CSMD1: variants seen among roughly 807,000 people sequenced by gnomAD.
CSMD1 encodes CUB and sushi domain-containing protein 1.
In CSMD1, 213 loss-of-function variants were observed where a neutral mutation model predicts 417.5. The observed-to-expected ratio is 0.51, with a 90% CI of 0.46 to 0.57. The LOEUF (loss-of-function observed/expected upper bound fraction) is 0.57. Ranked by LOEUF, CSMD1 falls within the 20% of genes least tolerant of loss-of-function variation. The pLI is 0.00. For synonymous variants in CSMD1, 2,862 were observed against 1,736.8 expected, an observed-to-expected ratio of 1.65 and a Z score of -16.11; for missense variants, 6,923 against 4,529.7, an observed-to-expected ratio of 1.53 and a Z score of -15.17.
At chr8:3,462,567 T>G (rs1183463421) in intron 12 of CSMD1, among the ~76,000 whole-genome samples, 1 of 152,172 alleles carries the variant, frequency 6.6e-6, no homozygotes, top group Non-Finnish European at 1.5e-5. Flanking sequence ...CTGTCTCCCA[T>G]CACCCAGATG....
Position 3,151,501 on chromosome 8 carries a change from C to A in CSMD1, c.5927G>T (p.Gly1976Val). ...CACACCACCCAAGGTGCTCAGCGTCCCTCCACAGGTTGCTGTTAAGTGGAC... is the reference window on the plus strand; with the variant it reads ...CACACCACCCAAGGTGCTCAGCGTCACTCCACAGGTTGCTGTTAAGTGGAC... ...PSPLCIATCGGTLSTLGGVIL... is the reference protein window; with the variant it reads ...PSPLCIATCGVTLSTLGGVIL... Residue 1976 changes from glycine (G) to valine (V), a missense_variant, in exon 40 of 70, where the codon GGG (glycine) becomes GTG (valine). Gly to Val is a moderately radical substitution (Grantham distance 109, BLOSUM62 -3). Transcript: ENST00000635120. The A allele has an allele frequency of 6.2e-7, 1 of 1,611,754 alleles. No homozygotes were observed.
intron 2 of CSMD1, among the ~76,000 whole-genome samples, chr8:4,579,221 T>A (rs1031475559): frequency 6.6e-6 from 1 of 151,688 alleles, no homozygotes; most frequent in Non-Finnish European, 1.5e-5. Flanking sequence ...ATCAGGAAAA[T>A]AATCCTCATG....
At chr8:3,267,743 C>G (rs752247132) in intron 26 of CSMD1, among the ~76,000 whole-genome samples, 2 of 152,166 alleles carry the variant, frequency 1.3e-5, no homozygotes, top group East Asian at 3.9e-4. Flanking sequence ...GGGTGGGGCA[C>G]ACTACATGCC....
In CSMD1 at chr8:3,087,093, T is replaced by C. The variant is rs1416614950; in HGVS notation, c.7474+4A>G. On this transcript the variant is annotated splice_donor_region_variant and intron_variant, in intron 49 of 69. Coordinates refer to ENST00000635120, the MANE Select transcript of CSMD1 (RefSeq NM_033225.6). ...AAGGCTGGGGATGAAAACGCATTTCTTACCCTGGCAGAGTGGCGTGAGGGA... is the reference window on the plus strand; with the variant it reads ...AAGGCTGGGGATGAAAACGCATTTCCTACCCTGGCAGAGTGGCGTGAGGGA... 2 of 1,612,016 alleles carry C rather than the reference T, an allele frequency of 1.2e-6. No individual in the cohort carries two copies. Among genetic ancestry groups the C allele is most frequent in the African/African-American group, 2.7e-5 (2 of 74,898 alleles).
chr8:3,129,567 G>C (rs1220377556), intron 41 of CSMD1, among the ~76,000 whole-genome samples: 1 of 152,062 alleles, frequency 6.6e-6, no homozygotes, highest in Admixed American at 6.6e-5. Flanking sequence ...TTGAGGTCAG[G>C]AGTTCAAGAC....
At chr8:4,681,346 C>T (rs1269822995) in intron 1 of CSMD1, among the ~76,000 whole-genome samples, 9 of 152,084 alleles carry the variant, frequency 5.9e-5, no homozygotes, top group Non-Finnish European at 1.3e-4. Context: ...GTGTTGAAAC[C>T]ACCAATATGG....
At chr8:4,483,297 G>C (rs1801203888) in intron 2 of CSMD1, among the ~76,000 whole-genome samples, 1 of 152,096 alleles carries the variant, frequency 6.6e-6, no homozygotes, top group African/African-American at 2.4e-5. Flanking sequence ...TCTTTCTTTT[G>C]GGAATAGACC....
intron 1 of CSMD1, among the ~76,000 whole-genome samples, chr8:4,672,403 G>C (rs1805386600): frequency 6.6e-6 from 1 of 152,146 alleles, no homozygotes; most frequent in Non-Finnish European, 1.5e-5. Flanking sequence ...CTCACACTTT[G>C]AAGTATGGGC....
intron 1 of CSMD1, among the ~76,000 whole-genome samples, chr8:4,832,264 T>A (rs1292725181): frequency 2.6e-5 from 4 of 152,104 alleles, no homozygotes; most frequent in Non-Finnish European, 5.9e-5. Flanking sequence ...TGGAAGTTTG[T>A]GATTCTAGTT....
Position 3,018,526 on chromosome 8 carries a change from T to C in CSMD1, c.7980A>G (p.Arg2660=). ...TCCAGAGCCCATTTGCCAAGCACTC[T>C]CTGACATGAGACCCCACAAGCGTGT... is the stretch of plus-strand genomic sequence containing the variant. The part of the protein sequence containing the change: ...TGYTLVGSHV[R]ECLANGLWSG... Residue 2660 remains arginine (R), a synonymous_variant, in exon 52 of 70, where the codon AGA becomes AGG. Coordinates refer to ENST00000635120, the MANE Select transcript of CSMD1 (RefSeq NM_033225.6). 1 of 1,613,752 alleles carries C rather than the reference T, an allele frequency of 6.2e-7. No homozygotes were observed. Among genetic ancestry groups the C allele is most frequent in the South Asian group, 1.1e-5 (1 of 91,060 alleles).
At chr8:4,216,464 A>C (rs1800675724) in intron 3 of CSMD1, among the ~76,000 whole-genome samples, 1 of 152,232 alleles carries the variant, frequency 6.6e-6, no homozygotes, top group African/African-American at 2.4e-5. Context: ...TTGTTAAATT[A>C]GTAATTAGTA....
chr8:2,979,939 A>AT (rs1677624583), intron 54 of CSMD1, among the ~76,000 whole-genome samples: 1 of 152,224 alleles, frequency 6.6e-6, no homozygotes, highest in Admixed American at 6.5e-5. Flanking sequence ...AATCTCTGAA[A>AT]TAGCAGGAAT....
chr8:2,983,052 G>A (rs1805560233), intron 54 of CSMD1, among the ~76,000 whole-genome samples: 1 of 152,028 alleles, frequency 6.6e-6, no homozygotes, highest in Admixed American at 6.5e-5. Context: ...GTTATGTGAT[G>A]AGGAAACACC....
chr8:3,488,026 C>A (rs1818156809), intron 11 of CSMD1, among the ~76,000 whole-genome samples: 1 of 146,358 alleles, frequency 6.8e-6, no homozygotes, highest in African/African-American at 2.6e-5. Flanking sequence ...TCAAAATATA[C>A]TTAGAAGAGG....
At position 2,978,746 on chromosome 8, in the gene CSMD1, T is replaced by A. The variant is rs372058205; in HGVS notation, c.8432A>T (p.Gln2811Leu). ...FVENAIRHGQQNFPESFEYGM... is the reference protein window; with the variant it reads ...FVENAIRHGQLNFPESFEYGM... ...ATACTCAAAACTCTCAGGGAAGTTCTGTTGCCCGTGACGAATGGCATTTTC... is the reference window on the plus strand; with the variant it reads ...ATACTCAAAACTCTCAGGGAAGTTCAGTTGCCCGTGACGAATGGCATTTTC... Residue 2811 changes from glutamine to leucine, a missense_variant, in exon 55 of 70, where the codon CAG becomes CTG. Physicochemically the swap from Gln to Leu is moderately radical, Grantham distance 113 (BLOSUM62 -2). Transcript: ENST00000635120. 2 of 1,613,648 alleles carry A rather than the reference T, an allele frequency of 1.2e-6. No homozygotes were observed. The highest frequency in any genetic ancestry group is 3.3e-5 in the Admixed American group (2 of 59,984).
intron 1 of CSMD1, among the ~76,000 whole-genome samples, chr8:4,809,384 C>T (rs1798772681): frequency 6.6e-6 from 1 of 152,172 alleles, no homozygotes. Context: ...CCATCTGATA[C>T]TCAACATTTT....
At chr8:4,150,234 C>G (rs1213740021) in intron 3 of CSMD1, among the ~76,000 whole-genome samples, 1 of 152,150 alleles carries the variant, frequency 6.6e-6, no homozygotes. Flanking sequence ...GGCCATTTTT[C>G]CATCATGCAC....
chr8:4,953,882 A>G (rs1048235785), intron 1 of CSMD1, among the ~76,000 whole-genome samples: 4 of 152,156 alleles, frequency 2.6e-5, no homozygotes, highest in Non-Finnish European at 5.9e-5. Flanking sequence ...CCCTGGGCTT[A>G]GAGATTGGAC....
chr8:3,753,627 G>A (rs904910079), intron 6 of CSMD1, among the ~76,000 whole-genome samples: 3 of 152,034 alleles, frequency 2.0e-5, no homozygotes, highest in Non-Finnish European at 4.4e-5. Context: ...AAACTGCTGT[G>A]GATATTTACA....
Sources: gnomAD v4.1 joint callset for allele counts (sites outside exome capture counted in the v4.1 genomes callset) on GRCh38, gnomAD v4.1.1 for gene constraint, MANE v1.5 for transcripts, NCBI Gene and HGNC (gene_info 2026-07-23, HGNC 2026-07-21) for gene names.